The following GRM8 variants were observed in gnomAD, a reference collection of about 807,000 sequenced individuals.
GRM8 encodes the protein glutamate metabotropic receptor 8.
Under a neutral mutation model 87.2 loss-of-function variants are expected in GRM8, and 47 were observed. The ratio of observed to expected loss-of-function variants is 0.54; its 90% confidence interval spans 0.43 to 0.69. GRM8 has a LOEUF of 0.69. Ranked by LOEUF, GRM8 falls within the 30% of genes least tolerant of loss-of-function variation. The pLI, the probability that GRM8 is intolerant of heterozygous loss-of-function variation, is 0.00. For synonymous variants in GRM8, 396 were observed against 404.5 expected (o/e 0.98, Z 0.25); for missense variants, 1,019 against 1,139.2 (o/e 0.89, Z 1.52).
chr7:127,180,800 A>G (rs1219563718), intron 2 of GRM8, among the ~76,000 whole-genome samples: 1 of 152,148 alleles, frequency 6.6e-6, no homozygotes, highest in Non-Finnish European at 1.5e-5. Context: ...GCATTGCTTT[A>G]TGATTAAAAC....
At chr7:126,737,119 G>A (rs994387877) in intron 7 of GRM8, among the ~76,000 whole-genome samples, 2 of 152,016 alleles carry the variant, frequency 1.3e-5, no homozygotes, top group African/African-American at 4.8e-5. Flanking sequence ...TTATGGTTTA[G>A]GAATCATGCA....
rs893653069 is a variant in GRM8, at chr7:127,209,952, C to T, written c.510+32743G>A. On this transcript the variant is annotated intron_variant, in intron 2 of 10. Coordinates refer to ENST00000339582, the MANE Select transcript of GRM8 (RefSeq NM_000845.3). Reference sequence around the variant, plus strand: ...ATCCCCACAACATATAATTCACCCACTACCCCATACTAGAGAAACCTAGGA... The same window carrying T: ...ATCCCCACAACATATAATTCACCCATTACCCCATACTAGAGAAACCTAGGA... 4.6e-5 allele frequency among the ~76,000 whole-genome samples: 7 copies of T among 152,160 alleles called. No individual in the cohort carries two copies. The East Asian group carries it at 1.2e-3, about 25-fold the overall frequency.
intron 2 of GRM8, among the ~76,000 whole-genome samples, chr7:127,189,494 G>T (rs1387987888): frequency 1.3e-5 from 2 of 152,152 alleles, no homozygotes; most frequent in African/African-American, 4.8e-5. Flanking sequence ...CCAAATTGAT[G>T]TTTTACCTAA....
chr7:126,882,684 G>A (rs992644285), intron 6 of GRM8, among the ~76,000 whole-genome samples: 51 of 151,930 alleles, frequency 3.4e-4, no homozygotes, highest in African/African-American at 1.2e-3. Flanking sequence ...AGAAGGTCAA[G>A]TATCTACACC....
At chr7:127,185,349 C>T (rs964841880) in intron 2 of GRM8, among the ~76,000 whole-genome samples, 1 of 151,860 alleles carries the variant, frequency 6.6e-6, no homozygotes, top group Non-Finnish European at 1.5e-5. Flanking sequence ...GAAGCAATGG[C>T]AATTCAATGG....
intron 2 of GRM8, chr7:127,215,186 T>G (rs987312890): frequency 1.3e-5 from 2 of 152,162 alleles, no homozygotes; most frequent in South Asian, 2.1e-4. Context: ...ATCCTGAGTC[T>G]CTCTCAAACT....
chr7:126,504,651 TA>T (rs1281996679), intron 9 of GRM8, among the ~76,000 whole-genome samples: 1 of 151,974 alleles, frequency 6.6e-6, no homozygotes, highest in Non-Finnish European at 1.5e-5. Flanking sequence ...GAACCCAAAA[TA>T]AAAGTTTTTA....
chr7:126,746,425 TTA>T (rs1815691996), intron 7 of GRM8, among the ~76,000 whole-genome samples: 1 of 151,796 alleles, frequency 6.6e-6, no homozygotes, highest in Non-Finnish European at 1.5e-5. Context: ...GATTCAGATA[TTA>T]TTATTGCTTT....
At chr7:126,508,416 T>C (rs955111753) in intron 9 of GRM8, among the ~76,000 whole-genome samples, 3 of 151,940 alleles carry the variant, frequency 2.0e-5, no homozygotes, top group African/African-American at 7.2e-5. Context: ...AAAAGCCCAT[T>C]TAAAAATGAT....
chr7:126,526,063 A>G (rs1008136351), intron 9 of GRM8, among the ~76,000 whole-genome samples: 2 of 152,120 alleles, frequency 1.3e-5, no homozygotes, highest in Non-Finnish European at 2.9e-5. Flanking sequence ...CATAAAAAAT[A>G]TATATATATG....
chr7:126,570,486 T>C (rs2150984312), intron 8 of GRM8, among the ~76,000 whole-genome samples: 1 of 152,272 alleles, frequency 6.6e-6, no homozygotes, highest in African/African-American at 2.4e-5. Flanking sequence ...ATTCAAAATA[T>C]CTCCTGTACT....
At chr7:126,677,970 T>A (rs1232949983) in intron 7 of GRM8, among the ~76,000 whole-genome samples, 2 of 152,128 alleles carry the variant, frequency 1.3e-5, no homozygotes, top group East Asian at 3.9e-4. Context: ...TCCCGACTGA[T>A]AACTAGGGGC....
intron 2 of GRM8, among the ~76,000 whole-genome samples, chr7:127,122,883 G>T (rs1355901730): frequency 2.0e-5 from 3 of 152,120 alleles, no homozygotes; most frequent in African/African-American, 4.8e-5. Context: ...TAAATATACT[G>T]GTTGAGAAAC....
intron 7 of GRM8, among the ~76,000 whole-genome samples, chr7:126,756,451 A>C (rs10216287): frequency 0.39 from 59,313 of 151,884 alleles, 12,775 homozygotes; most frequent in Non-Finnish European, 0.48. Context: ...CTTCTGCTCT[A>C]GAAAAGATAC....
chr7:126,931,299 T>C (rs1475208747), intron 3 of GRM8, among the ~76,000 whole-genome samples: 1 of 152,206 alleles, frequency 6.6e-6, no homozygotes. Context: ...TTTGAATCAG[T>C]ACATGAAAAT....
intron 8 of GRM8, among the ~76,000 whole-genome samples, chr7:126,576,120 C>G (rs924184019): frequency 6.6e-6 from 1 of 152,096 alleles, no homozygotes; most frequent in Non-Finnish European, 1.5e-5. Flanking sequence ...GTAGACAGGG[C>G]CCAGCATTAT....
At chr7:126,841,566 T>C (rs1796270232) in intron 6 of GRM8, among the ~76,000 whole-genome samples, 1 of 152,102 alleles carries the variant, frequency 6.6e-6, no homozygotes, top group South Asian at 2.1e-4. Flanking sequence ...GAACATGCAT[T>C]AGGTAAAAAT....
intron 2 of GRM8, among the ~76,000 whole-genome samples, chr7:127,160,625 G>T (rs1240546843): frequency 6.6e-6 from 1 of 152,048 alleles, no homozygotes. Flanking sequence ...GGAAAGAGGC[G>T]AACTTAGTAG....
chr7:126,874,964 C>A (rs1197884794), intron 6 of GRM8, among the ~76,000 whole-genome samples: 2 of 151,968 alleles, frequency 1.3e-5, no homozygotes, highest in Non-Finnish European at 2.9e-5. Flanking sequence ...CTTTATGATG[C>A]TTTGTATTCT....
Sources: allele counts gnomAD v4.1 joint callset (sites outside exome capture counted in the v4.1 genomes callset), GRCh38; gene constraint gnomAD v4.1.1; transcripts MANE v1.5; gene names NCBI Gene and HGNC (gene_info 2026-07-23, HGNC 2026-07-21).